GRID1: variants seen among roughly 807,000 people sequenced by gnomAD.
GRID1 encodes the protein glutamate receptor ionotropic, delta-1.
In GRID1, 28 loss-of-function variants were observed where a neutral mutation model predicts 98.0. The ratio of observed to expected loss-of-function variants is 0.29; its 90% CI spans 0.21 to 0.39. GRID1 has a LOEUF of 0.39. Among genes scored for constraint, GRID1 ranks in the 10% least tolerant of loss-of-function variants. The pLI is 1.00. For synonymous variants in GRID1, 553 were observed against 538.5 expected, an observed-to-expected ratio of 1.03 and a Z score of -0.37; for missense variants, 1,111 against 1,340.5, an observed-to-expected ratio of 0.83 and a Z score of 2.67.
intron 3 of GRID1, among the ~76,000 whole-genome samples, chr10:86,185,771 T>C (rs1845717913): frequency 6.6e-6 from 1 of 152,222 alleles, no homozygotes; most frequent in South Asian, 2.1e-4. Context: ...GATTTTTGAA[T>C]GTTAAATCAG....
intron 2 of GRID1, among the ~76,000 whole-genome samples, chr10:86,324,589 A>G (rs986521848): frequency 8.6e-6 from 1 of 116,786 alleles, no homozygotes. Context: ...GCTGTTGAGA[A>G]AACTGCTTTA....
At chr10:85,951,150 GGTCACT>G (rs1278648428) in intron 4 of GRID1, among the ~76,000 whole-genome samples, 2 of 152,178 alleles carry the variant, frequency 1.3e-5, no homozygotes, top group Admixed American at 1.3e-4. Flanking sequence ...GACCAAACCA[GGTCACT>G]GTCTTCCTTG....
intron 4 of GRID1, among the ~76,000 whole-genome samples, chr10:86,098,510 C>A (rs1316694893): frequency 1.3e-5 from 2 of 152,180 alleles, no homozygotes; most frequent in Non-Finnish European, 2.9e-5. Flanking sequence ...CAACTTCATG[C>A]AGAAAGCTTC....
intron 4 of GRID1, among the ~76,000 whole-genome samples, chr10:86,010,540 C>T (rs561773312): frequency 1.4e-4 from 21 of 151,956 alleles, no homozygotes; most frequent in Admixed American, 4.6e-4. Context: ...GTAATGAGGC[C>T]GGGTATGGTG....
intron 4 of GRID1, among the ~76,000 whole-genome samples, chr10:86,101,749 C>T (rs1844299583): frequency 6.6e-6 from 1 of 151,786 alleles, no homozygotes; most frequent in Non-Finnish European, 1.5e-5. Context: ...AAGAGATCCT[C>T]CCACCTAAGC....
At chr10:85,969,496 T>A (rs182561096) in intron 4 of GRID1, among the ~76,000 whole-genome samples, 1 of 152,248 alleles carries the variant, frequency 6.6e-6, no homozygotes, top group East Asian at 1.9e-4. Flanking sequence ...AAGTATGTTA[T>A]TTGACCTAAA....
chr10:85,928,031 A>G (rs1841800125), intron 4 of GRID1, among the ~76,000 whole-genome samples: 1 of 152,226 alleles, frequency 6.6e-6, no homozygotes, highest in Non-Finnish European at 1.5e-5. Context: ...GTAAGGTACA[A>G]GGAGAAAAAG....
chr10:85,810,332 G>T (rs1305948710), intron 8 of GRID1, among the ~76,000 whole-genome samples: 1 of 152,134 alleles, frequency 6.6e-6, no homozygotes, highest in Non-Finnish European at 1.5e-5. Flanking sequence ...CCCAGGAATG[G>T]CCCTTGCTCC....
intron 8 of GRID1, among the ~76,000 whole-genome samples, chr10:85,830,883 C>A (rs1448461290): frequency 6.6e-6 from 1 of 152,046 alleles, no homozygotes; most frequent in Non-Finnish European, 1.5e-5. Flanking sequence ...TTAGCTCAGC[C>A]ATTGCGGAAA....
At chr10:85,775,168 C>T (rs1842317029) in intron 8 of GRID1, among the ~76,000 whole-genome samples, 1 of 152,076 alleles carries the variant, frequency 6.6e-6, no homozygotes, top group Non-Finnish European at 1.5e-5. Flanking sequence ...GAGTTCATGT[C>T]CTTTGTAGGG....
At chr10:86,324,578 C>T (rs530651264) in intron 2 of GRID1, among the ~76,000 whole-genome samples, 1 of 146,620 alleles carries the variant, frequency 6.8e-6, no homozygotes, top group South Asian at 2.3e-4. Context: ...GACACAGGGC[C>T]GCTGTTGAGA....
chr10:86,267,438 A>C (rs940323405), intron 2 of GRID1, among the ~76,000 whole-genome samples: 3 of 152,228 alleles, frequency 2.0e-5, no homozygotes, highest in African/African-American at 2.4e-5. Flanking sequence ...CTGCAGCTCC[A>C]GGAAGTACAG....
chr10:85,845,563 T>C (rs1842997582), intron 8 of GRID1, among the ~76,000 whole-genome samples: 1 of 152,180 alleles, frequency 6.6e-6, no homozygotes, highest in Non-Finnish European at 1.5e-5. Flanking sequence ...TTAAAATGTA[T>C]AAGAAAATAC....
intron 4 of GRID1, among the ~76,000 whole-genome samples, chr10:85,960,067 G>T (rs1394606004): frequency 1.3e-5 from 2 of 152,034 alleles, no homozygotes; most frequent in Non-Finnish European, 2.9e-5. Flanking sequence ...TTTTTTGGTA[G>T]AGACAGGGTT....
intron 12 of GRID1, among the ~76,000 whole-genome samples, chr10:85,690,636 G>A (rs1364093499): frequency 6.6e-6 from 1 of 152,144 alleles, no homozygotes; most frequent in Non-Finnish European, 1.5e-5. Flanking sequence ...AACTCAAGAT[G>A]ATCTGTTCTT....
At chr10:85,747,305 G>T (rs1050605338) in intron 8 of GRID1, among the ~76,000 whole-genome samples, 1 of 152,132 alleles carries the variant, frequency 6.6e-6, no homozygotes, top group African/African-American at 2.4e-5. Flanking sequence ...GCAAGCAGGA[G>T]AGAAGAAGGA....
At chr10:85,622,532 T>C (rs1278189877) in intron 13 of GRID1, among the ~76,000 whole-genome samples, 1 of 152,206 alleles carries the variant, frequency 6.6e-6, no homozygotes, top group Non-Finnish European at 1.5e-5. Context: ...CACGCCACTA[T>C]GCCAGGCTGC....
chr10:85,806,784 G>A (rs1842626698), intron 8 of GRID1, among the ~76,000 whole-genome samples: 1 of 152,078 alleles, frequency 6.6e-6, no homozygotes, highest in Admixed American at 6.5e-5. Flanking sequence ...AATGAAGGGG[G>A]CATTCAATTC....
chr10:85,762,677 G>A (rs1420100017), intron 8 of GRID1, among the ~76,000 whole-genome samples: 1 of 152,198 alleles, frequency 6.6e-6, no homozygotes, highest in Non-Finnish European at 1.5e-5. Flanking sequence ...AAGCGACAGA[G>A]GCTTTCACAG....
Sources: allele counts gnomAD v4.1 joint callset (sites outside exome capture counted in the v4.1 genomes callset), GRCh38; gene constraint gnomAD v4.1.1; transcripts MANE v1.5; gene names NCBI Gene and HGNC (gene_info 2026-07-23, HGNC 2026-07-21).